The following SPATS2 variants were observed in gnomAD, a reference collection of about 807,000 sequenced individuals.
The protein encoded by SPATS2 is spermatogenesis associated serine rich 2, also known as spermatogenesis-associated serine-rich protein 2.
A neutral mutation model predicts 63.7 loss-of-function variants in SPATS2; 38 were observed. The ratio of observed to expected loss-of-function variants is 0.60; its 90% CI spans 0.46 to 0.78. SPATS2 has a LOEUF of 0.78. SPATS2 is among the 30% of genes least tolerant of loss of function. The probability of loss-of-function intolerance (pLI) is 0.00; values close to 1 mark genes in which losing one functional copy is unlikely to be tolerated. For missense variants in SPATS2, 588 were observed against 666.2 expected, an observed-to-expected ratio of 0.88 and a Z score of 1.29; for synonymous variants, 207 against 232.9, an observed-to-expected ratio of 0.89 and a Z score of 1.01.
At chr12:49,456,051 C>G (rs943629475) in intron 2 of SPATS2, among the ~76,000 whole-genome samples, 1 of 152,174 alleles carries the variant, frequency 6.6e-6, no homozygotes, top group Non-Finnish European at 1.5e-5. Context: ...ACCAAGAAAG[C>G]GAACTGTTAC....
intron 9 of SPATS2, among the ~76,000 whole-genome samples, chr12:49,502,154 G>A (rs1946577002): frequency 6.6e-6 from 1 of 152,184 alleles, no homozygotes; most frequent in African/African-American, 2.4e-5. Flanking sequence ...CTTGCTGCCT[G>A]TAGACTGTTC....
chr12:49,421,563 T>A (rs1398422262), intron 2 of SPATS2, among the ~76,000 whole-genome samples: 1 of 151,994 alleles, frequency 6.6e-6, no homozygotes, highest in Non-Finnish European at 1.5e-5. Flanking sequence ...ATGCAATGCC[T>A]AGTTTCCATC....
chr12:49,514,658 G>A (rs777953650), intron 10 of SPATS2, 45 bp downstream of exon 10: 28 of 1,573,644 alleles, frequency 1.8e-5, no homozygotes, highest in Non-Finnish European at 2.1e-5. Context: ...TTCATAAATA[G>A]TAGGTACCTA....
At chr12:49,385,541 A>G (rs1944299880) in intron 2 of SPATS2, among the ~76,000 whole-genome samples, 1 of 152,130 alleles carries the variant, frequency 6.6e-6, no homozygotes, top group Admixed American at 6.5e-5. Context: ...ATTCCTATTG[A>G]TTTAATCTTC....
At chr12:49,487,115 G>T (rs1033149780) in intron 4 of SPATS2, among the ~76,000 whole-genome samples, 4 of 151,964 alleles carry the variant, frequency 2.6e-5, no homozygotes, top group African/African-American at 9.7e-5. Flanking sequence ...TAAAACCATT[G>T]AATAAAATTT....
intron 2 of SPATS2, among the ~76,000 whole-genome samples, chr12:49,385,582 G>A (rs1944300496): frequency 6.6e-6 from 1 of 152,114 alleles, no homozygotes; most frequent in Non-Finnish European, 1.5e-5. Flanking sequence ...CCATCAAGTA[G>A]GTGGATTGAA....
chr12:49,427,315 C>A (rs1006961339), intron 2 of SPATS2, among the ~76,000 whole-genome samples: 9 of 152,124 alleles, frequency 5.9e-5, no homozygotes, highest in African/African-American at 2.2e-4. Flanking sequence ...TGTATGTAAT[C>A]TGGAATTTTC....
At chr12:49,436,268 G>A (rs1269993616) in intron 2 of SPATS2, among the ~76,000 whole-genome samples, 1 of 148,538 alleles carries the variant, frequency 6.7e-6, no homozygotes, top group East Asian at 2.0e-4. Flanking sequence ...GGCCGGGCGG[G>A]GGGCTGACCT....
At position 49,526,277 on chromosome 12, in the gene SPATS2, C is replaced by A; in HGVS notation, c.*22C>A. The A allele has an allele frequency of 6.4e-7, 1 of 1,572,466 alleles. No homozygotes were observed. Among genetic ancestry groups the A allele is most frequent in the South Asian group, 1.2e-5 (1 of 84,060 alleles). ...TTGAGAGAAAATCCAGTTGGCCTCT[C>A]TCCTCTATCCACACAATTCAACTTG... On this transcript the variant is annotated 3_prime_UTR_variant, in exon 14 of 14. Transcript: ENST00000552918.
intron 2 of SPATS2, among the ~76,000 whole-genome samples, chr12:49,404,501 G>C (rs1177792259): frequency 6.6e-6 from 1 of 152,032 alleles, no homozygotes; most frequent in South Asian, 2.1e-4. Flanking sequence ...CTGATCTCCA[G>C]CTCCTGGCCT....
chr12:49,435,815 G>A (rs1036909954), intron 2 of SPATS2, among the ~76,000 whole-genome samples: 10 of 150,924 alleles, frequency 6.6e-5, no homozygotes, highest in African/African-American at 2.4e-4. Context: ...GTGTCCCTGG[G>A]TACTTGAGAT....
chr12:49,498,548 T>C (rs987240009), intron 8 of SPATS2, among the ~76,000 whole-genome samples: 1 of 152,132 alleles, frequency 6.6e-6, no homozygotes, highest in Non-Finnish European at 1.5e-5. Context: ...ATTTGGTACC[T>C]TTTTTAAAGT....
At position 49,467,737 on chromosome 12, in the gene SPATS2, C is replaced by T. The variant is rs146865249; in HGVS notation, c.25+6700C>T. On this transcript the variant is annotated intron_variant, in intron 3 of 13. Transcript: ENST00000552918. ...TTTTTGAGACGGAGTCTCGCTCTGT[C>T]GCCCAGGCTAGAGTGCAGTGCAGTG... Among the ~76,000 whole-genome samples the T allele has an allele frequency of 1.9e-3, 290 of 152,060 alleles. 1 individual carries two copies. The highest frequency in any genetic ancestry group is 6.3e-3 in the African/African-American group (261 of 41,492).
Position 49,490,918 on chromosome 12 carries a change from G to C in SPATS2, c.264+187G>C, listed in dbSNP as rs1040373398. On this transcript the variant is annotated intron_variant, in intron 6 of 13. Transcript: ENST00000552918. Reference sequence around the variant, plus strand: ...GCACTTTAGGAGGCCAAGGCAGGTGGATCACTTGAGGTCAGTGGTTCAAGA... The same window carrying C: ...GCACTTTAGGAGGCCAAGGCAGGTGCATCACTTGAGGTCAGTGGTTCAAGA... 9 of 535,694 alleles carry C rather than the reference G, an allele frequency of 1.7e-5. No homozygotes were observed. In the East Asian group the frequency reaches 3.0e-4, roughly 18 times the overall value. The allele number at this position is 535,694 out of a possible 1,614,324, so 33.2% of individuals were successfully genotyped here. A position where few individuals can be genotyped will look rare whatever the true frequency, so the allele number is the denominator to read the frequency against.
At chr12:49,490,401 A>G (rs1377909094) in intron 5 of SPATS2, 1 of 385,350 alleles carries the variant, frequency 2.6e-6, no homozygotes, top group Non-Finnish European at 4.7e-6. Context: ...AGATGTATGG[A>G]TAAGAGAATC....
intron 4 of SPATS2, among the ~76,000 whole-genome samples, chr12:49,488,573 G>A (rs1358230559): frequency 6.6e-6 from 1 of 151,918 alleles, no homozygotes; most frequent in Non-Finnish European, 1.5e-5. Context: ...CACGAGAATC[G>A]CTTGAACCTG....
intron 3 of SPATS2, among the ~76,000 whole-genome samples, chr12:49,473,167 C>G (rs1396335262): frequency 6.6e-6 from 1 of 152,022 alleles, no homozygotes; most frequent in Non-Finnish European, 1.5e-5. Context: ...ATAATCCCAG[C>G]ACTTTGGGAG....
intron 2 of SPATS2, among the ~76,000 whole-genome samples, chr12:49,393,593 T>G (rs1670761101): frequency 2.0e-5 from 3 of 152,224 alleles, no homozygotes; most frequent in Admixed American, 6.5e-5. Context: ...TAATGTGTTT[T>G]GTTTGTTTTA....
intron 9 of SPATS2, among the ~76,000 whole-genome samples, chr12:49,500,547 C>T (rs879217405): frequency 9.9e-5 from 15 of 152,098 alleles, no homozygotes; most frequent in East Asian, 3.9e-4. Context: ...CCGAGGTGGG[C>T]GGATCTTGAG....
Sources: allele counts gnomAD v4.1 joint callset (sites outside exome capture counted in the v4.1 genomes callset), GRCh38; gene constraint gnomAD v4.1.1; transcripts MANE v1.5; gene names NCBI Gene and HGNC (gene_info 2026-07-23, HGNC 2026-07-21).